Variants in FSTL4 observed in about 807,000 individuals in gnomAD.
The protein encoded by FSTL4 is follistatin like 4.
Under a neutral mutation model 78.2 loss-of-function variants are expected in FSTL4, and 28 were observed. The ratio of observed to expected loss-of-function variants is 0.36; its 90% confidence interval spans 0.27 to 0.49. FSTL4 has a LOEUF of 0.49. Ranked by LOEUF, FSTL4 falls within the 20% of genes least tolerant of loss-of-function variation. The pLI is 0.98. For missense variants in FSTL4, 922 were observed against 1,084.9 expected, an observed-to-expected ratio of 0.85 and a Z score of 2.11; for synonymous variants, 422 against 440.5, an observed-to-expected ratio of 0.96 and a Z score of 0.53.
intron 2 of FSTL4, among the ~76,000 whole-genome samples, chr5:133,603,281 A>G (rs1760908624): frequency 6.6e-6 from 1 of 152,144 alleles, no homozygotes; most frequent in Non-Finnish European, 1.5e-5. Context: ...AATTAGCAGA[A>G]CATCCAGACT....
intron 4 of FSTL4, among the ~76,000 whole-genome samples, chr5:133,370,542 C>T (rs915683013): frequency 2.0e-5 from 3 of 152,096 alleles, no homozygotes; most frequent in Non-Finnish European, 4.4e-5. Context: ...GGCAAGCCAG[C>T]GTGCTCAGGG....
the FSTL4 span, among the ~76,000 whole-genome samples, chr5:133,704,757 T>A: frequency 2.6e-5 from 4 of 152,296 alleles, no homozygotes; most frequent in African/African-American, 9.6e-5. Flanking sequence ...CTACTTCAGG[T>A]GACTGCCTGA....
the FSTL4 span, among the ~76,000 whole-genome samples, chr5:133,642,446 ATCT>A: frequency 6.6e-6 from 1 of 152,120 alleles, no homozygotes; most frequent in African/African-American, 2.4e-5. Flanking sequence ...GAGCTGTCTG[ATCT>A]TCTTTTGGTA....
At chr5:133,739,674 A>G in the FSTL4 span, among the ~76,000 whole-genome samples, 1 of 152,252 alleles carries the variant, frequency 6.6e-6, no homozygotes, top group Non-Finnish European at 1.5e-5. Context: ...TTTACTGAGC[A>G]CCAACCACGT....
the FSTL4 span, among the ~76,000 whole-genome samples, chr5:133,782,717 T>C: frequency 6.6e-6 from 1 of 152,234 alleles, no homozygotes; most frequent in Non-Finnish European, 1.5e-5. Flanking sequence ...AGACCCAGGA[T>C]ACTGTAGAGC....
chr5:133,757,841 A>G, the FSTL4 span, among the ~76,000 whole-genome samples: 2 of 152,232 alleles, frequency 1.3e-5, no homozygotes, highest in African/African-American at 4.8e-5. Flanking sequence ...ACAATATAAA[A>G]TGAAGCTAAC....
the FSTL4 span, among the ~76,000 whole-genome samples, chr5:133,740,909 T>C: frequency 6.6e-6 from 1 of 151,832 alleles, no homozygotes; most frequent in African/African-American, 2.4e-5. Context: ...TCTTTCCTTT[T>C]ATGGGAGAGT....
chr5:133,652,316 T>C, the FSTL4 span, among the ~76,000 whole-genome samples: 1 of 152,158 alleles, frequency 6.6e-6, no homozygotes, highest in African/African-American at 2.4e-5. Flanking sequence ...CTCTTCATTT[T>C]CTAGTTTCCC....
chr5:133,464,623 T>A (rs1006624314), intron 3 of FSTL4, among the ~76,000 whole-genome samples: 2 of 151,916 alleles, frequency 1.3e-5, no homozygotes, highest in Admixed American at 6.6e-5. Context: ...CTTCCCCCCA[T>A]GGAGGGGAGA....
intron 13 of FSTL4, among the ~76,000 whole-genome samples, chr5:133,210,610 A>G (rs548063060): frequency 6.6e-6 from 1 of 151,950 alleles, no homozygotes; most frequent in East Asian, 1.9e-4. Flanking sequence ...CTCCTGCCTC[A>G]GCCTCCCGAG....
chr5:133,499,210 G>A (rs1025043107), intron 3 of FSTL4, among the ~76,000 whole-genome samples: 2 of 152,004 alleles, frequency 1.3e-5, no homozygotes, highest in Non-Finnish European at 2.9e-5. Context: ...CAGCTTTCAC[G>A]CCATCCCTGT....
intron 7 of FSTL4, among the ~76,000 whole-genome samples, chr5:133,242,665 G>GC (rs2126814518): frequency 6.6e-6 from 1 of 152,216 alleles, no homozygotes; most frequent in South Asian, 2.1e-4. Context: ...ATAGGCCCCG[G>GC]CCCCCATATC....
chr5:133,224,352 C>T, intron 10 of FSTL4, 136 bp from the exon 11 acceptor site: 2 of 642,938 alleles, frequency 3.1e-6, no homozygotes, highest in Non-Finnish European at 5.6e-6. Context: ...AGAATCTATA[C>T]CACTCATTGC....
chr5:133,246,580 G>A (rs577868554), intron 7 of FSTL4: 2 of 152,334 alleles, frequency 1.3e-5, no homozygotes, highest in East Asian at 3.9e-4. Flanking sequence ...GGATTTGCTG[G>A]AGGCAGAGAA....
At chr5:133,277,953 C>T (rs1259618115) in intron 6 of FSTL4, among the ~76,000 whole-genome samples, 3 of 152,188 alleles carry the variant, frequency 2.0e-5, no homozygotes, top group Non-Finnish European at 4.4e-5. Context: ...ATTCTTGTGA[C>T]CAGAGCCGTG....
intron 3 of FSTL4, among the ~76,000 whole-genome samples, chr5:133,407,776 A>T (rs1333969585): frequency 6.6e-6 from 1 of 152,248 alleles, no homozygotes; most frequent in East Asian, 1.9e-4. Context: ...TTCTGGTCAC[A>T]GCTGAAGATC....
intron 2 of FSTL4, 102 bp downstream of exon 2, chr5:133,603,756 G>T: frequency 7.7e-7 from 1 of 1,305,872 alleles, no homozygotes; most frequent in South Asian, 1.3e-5. Flanking sequence ...AATTCACTTT[G>T]TGATCTAACT....
intron 13 of FSTL4, among the ~76,000 whole-genome samples, chr5:133,214,188 CAT>C (rs1262230069): frequency 6.6e-6 from 1 of 152,140 alleles, no homozygotes; most frequent in African/African-American, 2.4e-5. Flanking sequence ...ATAATTGACA[CAT>C]ATATAGAATA....
chr5:133,715,716 T>G, the FSTL4 span, among the ~76,000 whole-genome samples: 1 of 152,216 alleles, frequency 6.6e-6, no homozygotes. Flanking sequence ...CAATGAGGAC[T>G]GGGAGCTGTG....
Sources: allele counts gnomAD v4.1 joint callset (sites outside exome capture counted in the v4.1 genomes callset), GRCh38; gene constraint gnomAD v4.1.1; transcripts MANE v1.5; gene names NCBI Gene and HGNC (gene_info 2026-07-23, HGNC 2026-07-21).